The following MAST4 variants were observed in gnomAD, a reference collection of about 807,000 sequenced individuals.
MAST4 encodes microtubule associated serine/threonine kinase family member 4.
A neutral mutation model predicts 162.7 loss-of-function variants in MAST4; 89 were observed. The observed-to-expected ratio is 0.55, with a 90% confidence interval of 0.46 to 0.65. The LOEUF (loss-of-function observed/expected upper bound fraction) is 0.65. Among genes scored for constraint, MAST4 ranks in the 30% least tolerant of loss-of-function variants. The probability of loss-of-function intolerance (pLI) is 0.00; values close to 1 mark genes in which losing one functional copy is unlikely to be tolerated. For synonymous variants in MAST4, 1,479 were observed against 1,361.1 expected (o/e 1.09, Z -1.91); for missense variants, 3,153 against 3,374.0 (o/e 0.93, Z 1.62).
chr5:66,611,551 G>A (rs560570024), intron 1 of MAST4, among the ~76,000 whole-genome samples: 1 of 152,328 alleles, frequency 6.6e-6, no homozygotes, highest in South Asian at 2.1e-4. Flanking sequence ...TTCTAGCAAT[G>A]ACAGTGATTC....
chr5:66,935,654 T>TTTC (rs1742659139), intron 4 of MAST4, among the ~76,000 whole-genome samples: 1 of 151,038 alleles, frequency 6.6e-6, no homozygotes, highest in Non-Finnish European at 1.5e-5. Flanking sequence ...CCATAGACTT[T>TTTC]TTTCTTTCTT....
intron 1 of MAST4, among the ~76,000 whole-genome samples, chr5:66,703,851 G>T (rs1749944357): frequency 6.6e-6 from 1 of 152,190 alleles, no homozygotes; most frequent in Non-Finnish European, 1.5e-5. Flanking sequence ...CAGAAAATGT[G>T]AGCTGCCTTG....
chr5:66,727,109 T>C (rs1296744287), intron 1 of MAST4, among the ~76,000 whole-genome samples: 1 of 152,096 alleles, frequency 6.6e-6, no homozygotes, highest in African/African-American at 2.4e-5. Context: ...AACTTGGTGG[T>C]TGCATGTAAG....
chr5:67,149,720 C>A, intron 24 of MAST4, 131 bp downstream of exon 24: 1 of 901,438 alleles, frequency 1.1e-6, no homozygotes, highest in Non-Finnish European at 1.7e-6. Context: ...CAGGACAGCT[C>A]TTGAGAGCTT....
chr5:67,011,204 C>G (rs1752629037), intron 4 of MAST4, among the ~76,000 whole-genome samples: 1 of 152,166 alleles, frequency 6.6e-6, no homozygotes, highest in Admixed American at 6.5e-5. Flanking sequence ...ACCTCTTGCT[C>G]TCCTCCTGAG....
intron 27 of MAST4, among the ~76,000 whole-genome samples, chr5:67,161,844 G>A (rs1773214465): frequency 6.6e-6 from 1 of 152,188 alleles, no homozygotes; most frequent in Admixed American, 6.5e-5. Context: ...TCAAGGGCTA[G>A]CAACCAGAAA....
intron 3 of MAST4, among the ~76,000 whole-genome samples, chr5:66,799,341 A>T (rs1273000896): frequency 6.6e-6 from 1 of 152,168 alleles, no homozygotes; most frequent in African/African-American, 2.4e-5. Context: ...GGAATAGTGC[A>T]TATCGGAACC....
At chr5:67,159,006 C>T (rs1051994099) in intron 26 of MAST4, among the ~76,000 whole-genome samples, 5 of 152,176 alleles carry the variant, frequency 3.3e-5, no homozygotes, top group African/African-American at 9.7e-5. Flanking sequence ...TGCACTCCAG[C>T]CTGGGCAACA....
At chr5:66,810,275 CT>C (rs768505833) in intron 3 of MAST4, among the ~76,000 whole-genome samples, 1 of 152,202 alleles carries the variant, frequency 6.6e-6, no homozygotes, top group South Asian at 2.1e-4. Flanking sequence ...GAAGTTCTCA[CT>C]GGCTTAACAT....
chr5:67,009,385 A>G (rs555210595), intron 4 of MAST4, among the ~76,000 whole-genome samples: 90 of 152,288 alleles, frequency 5.9e-4, no homozygotes, highest in Middle Eastern at 3.4e-3. Context: ...GGAACTAGAC[A>G]TGGCTTAGTA....
intron 1 of MAST4, among the ~76,000 whole-genome samples, chr5:66,721,129 G>A (rs780643064): frequency 6.6e-6 from 1 of 152,090 alleles, no homozygotes; most frequent in Non-Finnish European, 1.5e-5. Flanking sequence ...TGCATTGTGC[G>A]TGTCCACACA....
At chr5:67,156,652 G>T (rs1772576772) in intron 26 of MAST4, among the ~76,000 whole-genome samples, 1 of 152,230 alleles carries the variant, frequency 6.6e-6, no homozygotes, top group Admixed American at 6.5e-5. Flanking sequence ...GAGGACAGGA[G>T]ATCTCAAGGT....
chr5:66,634,849 C>T (rs1225983188), intron 1 of MAST4, among the ~76,000 whole-genome samples: 1 of 152,192 alleles, frequency 6.6e-6, no homozygotes, highest in African/African-American at 2.4e-5. Flanking sequence ...CAACCAGGCC[C>T]AATATTCTGA....
chr5:66,981,189 C>T (rs959664352), intron 4 of MAST4, among the ~76,000 whole-genome samples: 1 of 6,982 alleles, frequency 1.4e-4, no homozygotes, highest in Non-Finnish European at 2.6e-4. Context: ...TTTAAGCCTC[C>T]AAGTGGGATT....
chr5:67,129,963 C>T (rs1234085653), intron 14 of MAST4, among the ~76,000 whole-genome samples: 1 of 152,004 alleles, frequency 6.6e-6, no homozygotes, highest in Non-Finnish European at 1.5e-5. Flanking sequence ...CTTCCTTCAG[C>T]AGTGAAGATG....
At chr5:67,033,145 A>T (rs1394796438) in intron 4 of MAST4, among the ~76,000 whole-genome samples, 1 of 151,944 alleles carries the variant, frequency 6.6e-6, no homozygotes, top group South Asian at 2.1e-4. Context: ...TTGGCAGTTA[A>T]TTAGTTCTTA....
intron 5 of MAST4, among the ~76,000 whole-genome samples, chr5:67,057,402 A>G (rs1368967519): frequency 6.6e-6 from 1 of 152,000 alleles, no homozygotes; most frequent in Non-Finnish European, 1.5e-5. Context: ...ACCAGTCATC[A>G]CGGACACATC....
chr5:66,733,058 C>T (rs982239070), intron 1 of MAST4, among the ~76,000 whole-genome samples: 1 of 152,196 alleles, frequency 6.6e-6, no homozygotes, highest in African/African-American at 2.4e-5. Context: ...CCATGGCTGG[C>T]CTTCCAACTC....
At chr5:66,799,170 C>T (rs1420020750) in intron 3 of MAST4, among the ~76,000 whole-genome samples, 1 of 152,164 alleles carries the variant, frequency 6.6e-6, no homozygotes, top group Non-Finnish European at 1.5e-5. Context: ...CGACCTCGGA[C>T]TCCTCTTCCC....
Sources: gnomAD v4.1 joint callset for allele counts (sites outside exome capture counted in the v4.1 genomes callset) on GRCh38, gnomAD v4.1.1 for gene constraint, MANE v1.5 for transcripts, NCBI Gene and HGNC (gene_info 2026-07-23, HGNC 2026-07-21) for gene names.